The following GALNTL6 variants were observed in gnomAD, a reference collection of about 807,000 sequenced individuals.
The protein encoded by GALNTL6 is polypeptide N-acetylgalactosaminyltransferase-like 6.
A neutral mutation model predicts 73.7 loss-of-function variants in GALNTL6; 46 were observed. That is an observed-to-expected ratio of 0.62 (90% CI 0.49 to 0.80). GALNTL6 has a LOEUF of 0.80. Ranked by LOEUF, GALNTL6 falls within the 30% of genes least tolerant of loss-of-function variation. GALNTL6 has a pLI of 0.00. For missense variants in GALNTL6, 604 were observed against 755.0 expected, an observed-to-expected ratio of 0.80 and a Z score of 2.34; for synonymous variants, 259 against 263.7, an observed-to-expected ratio of 0.98 and a Z score of 0.17.
intron 2 of GALNTL6, among the ~76,000 whole-genome samples, chr4:172,202,763 T>C (rs1272490002): frequency 6.6e-6 from 1 of 152,200 alleles, no homozygotes; most frequent in East Asian, 1.9e-4. Flanking sequence ...TGAATTATTA[T>C]GAAACATCAG....
At chr4:172,121,602 A>G (rs898249842) in intron 2 of GALNTL6, among the ~76,000 whole-genome samples, 10 of 152,172 alleles carry the variant, frequency 6.6e-5, no homozygotes, top group Admixed American at 2.0e-4. Context: ...CATCAGAGAC[A>G]GTAATTGATG....
intron 9 of GALNTL6, among the ~76,000 whole-genome samples, chr4:172,945,657 A>G (rs1196691696): frequency 6.6e-6 from 1 of 152,208 alleles, no homozygotes; most frequent in Non-Finnish European, 1.5e-5. Context: ...TGTTCATGAC[A>G]GCCCAAAGAA....
At chr4:172,842,237 C>T (rs965867238) in intron 7 of GALNTL6, among the ~76,000 whole-genome samples, 11 of 152,180 alleles carry the variant, frequency 7.2e-5, no homozygotes, top group Non-Finnish European at 1.5e-4. Context: ...AAAGAATTTA[C>T]CATCTTTAGG....
intron 5 of GALNTL6, among the ~76,000 whole-genome samples, chr4:172,441,045 TTA>T (rs1405977932): frequency 6.6e-6 from 1 of 152,136 alleles, no homozygotes; most frequent in Non-Finnish European, 1.5e-5. Context: ...TTCTCATATT[TTA>T]TGTTTTCTTC....
At chr4:172,281,283 G>A (rs1360603796) in intron 3 of GALNTL6, among the ~76,000 whole-genome samples, 3 of 152,220 alleles carry the variant, frequency 2.0e-5, no homozygotes, top group Non-Finnish European at 2.9e-5. Flanking sequence ...GAAAATGTAT[G>A]TTGCTTTTCC....
rs76216591 is a variant in GALNTL6 at position 172,270,589 on chromosome 4, T to C, written c.247+40825T>C. On this transcript the variant is annotated intron_variant, in intron 3 of 12. Coordinates refer to ENST00000506823, the MANE Select transcript of GALNTL6 (RefSeq NM_001034845.3). Reference sequence around the variant, plus strand: ...ACGGCTTCTCTGCCCTGACAGAACCTGGGACAAGCACTTTCGTAGACTCAG... The same window carrying C: ...ACGGCTTCTCTGCCCTGACAGAACCCGGGACAAGCACTTTCGTAGACTCAG... 4.2e-3 allele frequency among the ~76,000 whole-genome samples: 641 copies of C among 152,236 alleles called. 5 individuals are homozygous for C. Among genetic ancestry groups the C allele is most frequent in the African/African-American group, 0.015 (616 of 41,542 alleles).
At chr4:172,566,115 T>C (rs1041972533) in intron 5 of GALNTL6, among the ~76,000 whole-genome samples, 2 of 152,110 alleles carry the variant, frequency 1.3e-5, no homozygotes, top group Non-Finnish European at 1.5e-5. Context: ...AATTCTCTAC[T>C]TACAATAATG....
intron 5 of GALNTL6, among the ~76,000 whole-genome samples, chr4:172,572,355 C>G (rs779299746): frequency 6.6e-6 from 1 of 152,046 alleles, no homozygotes; most frequent in Non-Finnish European, 1.5e-5. Flanking sequence ...AACTCTGAAA[C>G]GTAATGAGAA....
At chr4:171,960,171 C>T (rs1367894742) in intron 2 of GALNTL6, among the ~76,000 whole-genome samples, 1 of 152,164 alleles carries the variant, frequency 6.6e-6, no homozygotes, top group Non-Finnish European at 1.5e-5. Context: ...TTTGGCTACT[C>T]TTTACAGCAC....
chr4:172,161,775 G>A (rs1359274037), intron 2 of GALNTL6, among the ~76,000 whole-genome samples: 1 of 152,016 alleles, frequency 6.6e-6, no homozygotes, highest in East Asian at 1.9e-4. Flanking sequence ...TGATTGCTTA[G>A]CAAGTGAGTT....
chr4:172,208,368 T>C (rs989985893), intron 2 of GALNTL6, among the ~76,000 whole-genome samples: 1 of 152,154 alleles, frequency 6.6e-6, no homozygotes, highest in African/African-American at 2.4e-5. Flanking sequence ...GTACAACCAA[T>C]GTATTACTAA....
chr4:172,064,882 T>G (rs1292029970), intron 2 of GALNTL6, among the ~76,000 whole-genome samples: 1 of 152,198 alleles, frequency 6.6e-6, no homozygotes. Context: ...AATCACTATT[T>G]TTCAATATAA....
rs557180008 is a variant in GALNTL6 at position 172,845,650 on chromosome 4, TCTTA to T, written c.923+31930_923+31933del. Among the ~76,000 whole-genome samples, 17 of 152,274 alleles carry T rather than the reference TCTTA, an allele frequency of 1.1e-4. No homozygotes were observed. The East Asian group carries it at 3.1e-3, about 28-fold the overall frequency. ...TTCAGTTTTAAGTCTCTACATTGCC[TCTTA>T]CTGTTTGTAGCTAGAATAAAACTTC... On this transcript the variant is annotated intron_variant, in intron 7 of 12. Transcript: ENST00000506823.
In GALNTL6 at chr4:172,729,812, ACTTTGGG is replaced by A. The variant is rs1185837511; in HGVS notation, c.554-79548_554-79542del. ...TAGGATTGCATTGAATATGTAAATT[ACTTTGGG>A]TGGTATTGTCATCTTATCAATATTA... On this transcript the variant is annotated intron_variant, in intron 5 of 12. Coordinates refer to ENST00000506823, the MANE Select transcript of GALNTL6 (RefSeq NM_001034845.3). Among the ~76,000 whole-genome samples, 14 of 152,308 alleles carry A rather than the reference ACTTTGGG, an allele frequency of 9.2e-5. No homozygotes were observed. The Middle Eastern group carries it at 0.02, about 222-fold the overall frequency.
chr4:172,283,216 C>T (rs868068552), intron 3 of GALNTL6, among the ~76,000 whole-genome samples: 1 of 152,154 alleles, frequency 6.6e-6, no homozygotes, highest in African/African-American at 2.4e-5. Flanking sequence ...TACTAATCAC[C>T]TCACGAGGAA....
chr4:172,675,733 A>G (rs1055487735), intron 5 of GALNTL6, among the ~76,000 whole-genome samples: 1 of 152,238 alleles, frequency 6.6e-6, no homozygotes, highest in African/African-American at 2.4e-5. Context: ...TTATTCAACA[A>G]ATACTTACTG....
At chr4:171,871,466 C>T (rs979010969) in intron 2 of GALNTL6, among the ~76,000 whole-genome samples, 2 of 152,094 alleles carry the variant, frequency 1.3e-5, no homozygotes, top group African/African-American at 4.8e-5. Flanking sequence ...AGTCAATCTT[C>T]AATCCTCAGT....
intron 5 of GALNTL6, among the ~76,000 whole-genome samples, chr4:172,617,771 G>A (rs980004600): frequency 2.0e-5 from 3 of 151,964 alleles, no homozygotes; most frequent in African/African-American, 4.8e-5. Context: ...GTGAGCCACC[G>A]TGCCCAGCCT....
At chr4:172,000,403 C>T (rs1268120746) in intron 2 of GALNTL6, among the ~76,000 whole-genome samples, 1 of 152,116 alleles carries the variant, frequency 6.6e-6, no homozygotes, top group Admixed American at 6.6e-5. Context: ...AATCATCCCA[C>T]CAAAGAGTGA....
Sources: allele counts gnomAD v4.1 joint callset (sites outside exome capture counted in the v4.1 genomes callset), GRCh38; gene constraint gnomAD v4.1.1; transcripts MANE v1.5; gene names NCBI Gene and HGNC (gene_info 2026-07-23, HGNC 2026-07-21).